Variants in TECPR1 observed in about 807,000 individuals in gnomAD.
TECPR1 encodes tectonin beta-propeller repeat-containing protein 1.
TECPR1 carries 122 observed loss-of-function variants against 162.4 expected under a neutral mutation model. The ratio of observed to expected loss-of-function variants is 0.75; its 90% confidence interval spans 0.65 to 0.87. The LOEUF (loss-of-function observed/expected upper bound fraction) is 0.87, where lower values mean the gene tolerates loss of function less well. TECPR1 is among the 40% of genes least tolerant of loss of function. The probability of loss-of-function intolerance (pLI) is 0.00; values close to 1 mark genes in which losing one functional copy is unlikely to be tolerated. For missense variants in TECPR1, 1,432 were observed against 1,618.2 expected, an observed-to-expected ratio of 0.88 and a Z score of 1.97; for synonymous variants, 642 against 670.6, an observed-to-expected ratio of 0.96 and a Z score of 0.66.
Position 98,233,790 on chromosome 7 carries a change from C to A in TECPR1, c.1303G>T (p.Asp435Tyr). The change falls in exon 11 of 26, where the codon GAC (aspartate) becomes TAC (tyrosine). Residue 435 changes from aspartate to tyrosine, a missense_variant. Physicochemically the swap from Asp to Tyr is radical, Grantham distance 160 (BLOSUM62 -3). Transcript: ENST00000447648. Reference sequence around the variant, plus strand: ...TTCCCTGTGGCATTCTTGGAATCGTCTAGAGGTTCTGCAGGGAGAATCTGG... The same window carrying A: ...TTCCCTGTGGCATTCTTGGAATCGTATAGAGGTTCTGCAGGGAGAATCTGG... ...PGQILPAEPL[D>Y]DSKNATGNSA... is the part of the protein sequence containing the mutation. 1 of 1,611,326 alleles carries A rather than the reference C, an allele frequency of 6.2e-7. No homozygotes were observed. The highest frequency in any genetic ancestry group is 1.7e-5 in the Admixed American group (1 of 59,696).
intron 2 of TECPR1, among the ~76,000 whole-genome samples, chr7:98,249,302 C>T (rs1799001909): frequency 6.6e-6 from 1 of 152,102 alleles, no homozygotes; most frequent in African/African-American, 2.4e-5. Context: ...ACTCCCATAA[C>T]AGGAAGTGGG....
chr7:98,221,546 C>T (rs911604311), intron 23 of TECPR1, 115 bp downstream of exon 23: 5 of 849,804 alleles, frequency 5.9e-6, no homozygotes, highest in Admixed American at 4.3e-5. Context: ...AGGCTGGTCT[C>T]GAACTCCTGA....
chr7:98,239,614 C>T (rs1208957298), intron 8 of TECPR1, among the ~76,000 whole-genome samples: 1 of 152,058 alleles, frequency 6.6e-6, no homozygotes, highest in East Asian at 1.9e-4. Flanking sequence ...GAAAGTGACA[C>T]ATGGCTGTAA....
In TECPR1 at chr7:98,241,190, G is replaced by A. The variant is rs754214668; in HGVS notation, c.712C>T (p.Leu238=). ...ACCACCTCCCCGGGGGTGTCCAGCAGGGACCAGGAGGACCCTTCGGGGTTG... is the reference window on the plus strand; with the variant it reads ...ACCACCTCCCCGGGGGTGTCCAGCAAGGACCAGGAGGACCCTTCGGGGTTG... ...HSNPEGSSWS[L]LDTPGEVVQI... is the part of the protein sequence containing the mutation. Residue 238 remains leucine (L), a synonymous_variant, in exon 7 of 26, where the codon CTG becomes TTG. Coordinates refer to ENST00000447648, the MANE Select transcript of TECPR1 (RefSeq NM_015395.3). The surrounding 1 kb of genome is among the most constrained non-coding windows in gnomAD (Gnocchi z 5.0). 8 of 1,612,770 alleles carry A rather than the reference G, an allele frequency of 5.0e-6. No homozygotes were observed. The highest frequency in any genetic ancestry group is 1.1e-5 in the South Asian group (1 of 91,086).
At chr7:98,238,142 C>T (rs1366902205) in intron 9 of TECPR1, among the ~76,000 whole-genome samples, 3 of 152,102 alleles carry the variant, frequency 2.0e-5, no homozygotes, top group African/African-American at 7.2e-5. Flanking sequence ...GAAAAGGTTT[C>T]TGGGTAGGCA....
chr7:98,225,088 T>C lies in TECPR1; in HGVS notation c.2528A>G (p.Asp843Gly). The change falls in exon 18 of 26, where the codon GAC (aspartate) becomes GGC (glycine). Residue 843 changes from aspartate (D) to glycine (G), a missense_variant. Transcript: ENST00000447648. ...TGYTSRGLPTDRYMWSDASGL... is the reference protein window; with the variant it reads ...TGYTSRGLPTGRYMWSDASGL... Reference sequence around the variant, plus strand: ...CGAGGCATCGCTCCACATGTACCGGTCCGTGGGCAGACCCCTGCGGCAGGA... The same window carrying C: ...CGAGGCATCGCTCCACATGTACCGGCCCGTGGGCAGACCCCTGCGGCAGGA... 1 of 1,568,896 alleles carries C rather than the reference T, an allele frequency of 6.4e-7. No individual in the cohort carries two copies. Among genetic ancestry groups the C allele is most frequent in the Non-Finnish European group, 8.6e-7 (1 of 1,159,088 alleles).
At position 98,231,507 on chromosome 7, in the gene TECPR1, C is replaced by T. The variant is rs974280604; in HGVS notation, c.1975-134G>A. ...CTCCTGGCACCCCCAGCCCTGCCCC[C>T]TCCCTTGGTACTTCATTTCTTTACC... is the stretch of plus-strand genomic sequence containing the variant. On this transcript the variant is annotated intron_variant, in intron 13 of 25. Coordinates refer to ENST00000447648, the MANE Select transcript of TECPR1 (RefSeq NM_015395.3). 51 of 926,712 alleles carry T rather than the reference C, an allele frequency of 5.5e-5. No homozygotes were observed. The East Asian group carries it at 1.2e-3, about 22-fold the overall frequency. The allele number at this position is 926,712 out of a possible 1,614,324, so 57.4% of individuals were successfully genotyped here.
rs767754066 is a variant in TECPR1, at chr7:98,223,101, G to A, written c.2817C>T (p.Ile939=). The change falls in exon 21 of 26, where the codon ATC becomes ATT. Residue 939 remains isoleucine, a synonymous_variant. Transcript: ENST00000447648. ...CCTCGGCACCCGGGCTCTCCGGGAT[G>A]ATGGACACGTCCCTGAGGGCGATGG... The part of the protein sequence containing the change: ...VPPIALRDVS[I]IPESPGAEGS... 2.5e-6 allele frequency: 4 copies of A among 1,604,018 alleles called. No individual in the cohort carries two copies. The Admixed American group carries it at 5.1e-5, about 21-fold the overall frequency.
At chr7:98,227,361 C>T (rs1427831251) in intron 17 of TECPR1, among the ~76,000 whole-genome samples, 1 of 147,636 alleles carries the variant, frequency 6.8e-6, no homozygotes, top group East Asian at 2.0e-4. Flanking sequence ...CACTGCACTC[C>T]AGCCTGGGCG....
rs745387387 is a variant in TECPR1 at position 98,233,603 on chromosome 7, T to C, written c.1490A>G (p.Lys497Arg). The C allele has an allele frequency of 7.7e-5, 123 of 1,588,244 alleles. No homozygotes were observed. The highest frequency in any genetic ancestry group is 1.4e-5 in the Non-Finnish European group (16 of 1,169,384). The change falls in exon 11 of 26, where the codon AAA (lysine) becomes AGA (arginine). Residue 497 changes from lysine to arginine, a missense_variant. Physicochemically the swap from Lys to Arg is conservative, Grantham distance 26. Coordinates refer to ENST00000447648, the MANE Select transcript of TECPR1 (RefSeq NM_015395.3). ...GCCAGCGGCCGAGTGGCTGGGCACT[T>C]TCTTGGCCTCCTTGAGGTCAATATT... ...WTNIDLKEAK[K>R]VPSHSAAGFP...
Position 98,217,929 on chromosome 7 carries a change from C to T in TECPR1, c.3264+7G>A. On this transcript the variant is annotated splice_region_variant and intron_variant, in intron 24 of 25. Transcript: ENST00000447648. ...CCAAGTGCCCGATACCCCCTGAGCA[C>T]CCCCACCTGGTCCAGGGGCCCCACG... 6.4e-7 allele frequency: 1 copy of T among 1,551,982 alleles called. No individual in the cohort carries two copies. The highest frequency in any genetic ancestry group is 8.7e-7 in the Non-Finnish European group (1 of 1,147,640).
intron 23 of TECPR1, among the ~76,000 whole-genome samples, chr7:98,218,844 T>C (rs1318972904): frequency 6.6e-6 from 1 of 152,190 alleles, no homozygotes; most frequent in Non-Finnish European, 1.5e-5. Context: ...ATGCAATTCC[T>C]ATTAAAATAC....
intron 4 of TECPR1, 62 bp from the exon 5 acceptor site, chr7:98,244,755 G>A (rs900783362): frequency 1.3e-6 from 2 of 1,583,524 alleles, no homozygotes; most frequent in South Asian, 1.2e-5. Flanking sequence ...AGCTGGGGAA[G>A]GTGGGGAGGG....
chr7:98,241,180 G>A lies in TECPR1; in HGVS notation c.722C>T (p.Thr241Ile), dbSNP rs775832021. ...GCTGATCTGAACCACCTCCCCGGGG[G>A]TGTCCAGCAGGGACCAGGAGGACCC... ...PEGSSWSLLD[T>I]PGEVVQISCG... Residue 241 changes from threonine (T) to isoleucine (I), a missense_variant, in exon 7 of 26, where the codon ACC becomes ATC. By Grantham distance (89) the Thr-to-Ile change is moderately conservative. Transcript: ENST00000447648. This position sits in a 1 kb window ranked among gnomAD's most constrained non-coding sequence, Gnocchi z 5.0. 3.7e-5 allele frequency: 60 copies of A among 1,612,800 alleles called. No homozygotes were observed. The highest frequency in any genetic ancestry group is 4.9e-5 in the Non-Finnish European group (58 of 1,179,856).
At position 98,236,926 on chromosome 7, in the gene TECPR1, AAG is replaced by A. The variant is rs1431363648; in HGVS notation, c.1036-7_1036-6del. On this transcript the variant is annotated splice_polypyrimidine_tract_variant and splice_region_variant and intron_variant, in intron 9 of 25. Transcript: ENST00000447648. ...CTCACAGCCAATGCCCCACACCTGG[AAG>A]AGAGAGGCTGTGTTCCGAGGAATCT... 7 of 1,545,848 alleles carry A rather than the reference AAG, an allele frequency of 4.5e-6. No individual in the cohort carries two copies. The highest frequency in any genetic ancestry group is 1.7e-4 in the Middle Eastern group (1 of 5,884).
In TECPR1 at chr7:98,233,734, G is replaced by C; in HGVS notation, c.1359C>G (p.Thr453=). The C allele has an allele frequency of 1.2e-6, 2 of 1,612,440 alleles. No homozygotes were observed. Among genetic ancestry groups the C allele is most frequent in the Non-Finnish European group, 1.7e-6 (2 of 1,179,672 alleles). The change falls in exon 11 of 26, where the codon ACC becomes ACG. Residue 453 remains threonine, a synonymous_variant. Transcript: ENST00000447648. The part of the protein sequence containing the change: ...NSASGLGAGR[T]AEDTVEDACP... ...AGGCATCTTCCACGGTATCTTCTGC[G>C]GTCCTGCCAGCCCCCAGGCCTGAGG...
chr7:98,217,911 C>T, intron 24 of TECPR1, 25 bp downstream of exon 24: 4 of 1,544,154 alleles, frequency 2.6e-6, no homozygotes, highest in Non-Finnish European at 3.5e-6. Flanking sequence ...ACCCCAAGTG[C>T]CCGATACCCC....
chr7:98,246,443 T>C (rs1798912186), intron 2 of TECPR1, among the ~76,000 whole-genome samples: 1 of 151,860 alleles, frequency 6.6e-6, no homozygotes, highest in African/African-American at 2.4e-5. Context: ...GTTTTTGTAT[T>C]TTTAGTAGAG....
At chr7:98,243,393 AG>A (rs1798820157) in intron 6 of TECPR1, 73 bp downstream of exon 6, 3 of 1,580,004 alleles carry the variant, frequency 1.9e-6, no homozygotes, top group African/African-American at 1.3e-5. Context: ...AGCAAGACCC[AG>A]GGGGTGCACA....
Sources: allele counts gnomAD v4.1 joint callset (sites outside exome capture counted in the v4.1 genomes callset), GRCh38; gene constraint gnomAD v4.1.1; non-coding constraint Gnocchi (gnomAD v3.1); transcripts MANE v1.5; gene names NCBI Gene and HGNC (gene_info 2026-07-23, HGNC 2026-07-21).